Variants in CSNK1G3 observed in about 807,000 individuals in gnomAD.
CSNK1G3 encodes the protein casein kinase 1 gamma 3.
In CSNK1G3, 23 loss-of-function variants were observed where a neutral mutation model predicts 64.3. The observed-to-expected ratio is 0.36, with a 90% confidence interval of 0.26 to 0.51. The LOEUF (loss-of-function observed/expected upper bound fraction) is 0.51. Among genes scored for constraint, CSNK1G3 ranks in the 20% least tolerant of loss-of-function variants. The pLI, the probability that CSNK1G3 is intolerant of heterozygous loss-of-function variation, is 0.96. For synonymous variants in CSNK1G3, 158 were observed against 162.2 expected (o/e 0.97, Z 0.20); for missense variants, 357 against 510.5 (o/e 0.70, Z 2.90).
At chr5:123,547,426 G>A (rs772052512) in intron 2 of CSNK1G3, among the ~76,000 whole-genome samples, 1 of 151,566 alleles carries the variant, frequency 6.6e-6, no homozygotes, top group Non-Finnish European at 1.5e-5. Flanking sequence ...ATACACACAC[G>A]GCACATGTAT....
intron 1 of CSNK1G3, among the ~76,000 whole-genome samples, chr5:123,522,750 T>A (rs1778348438): frequency 1.3e-5 from 2 of 152,078 alleles, no homozygotes; most frequent in African/African-American, 4.8e-5. Context: ...AATATCTCAA[T>A]CTGCAGTTGG....
At chr5:123,551,975 T>C (rs1182066512) in intron 2 of CSNK1G3, among the ~76,000 whole-genome samples, 1 of 152,218 alleles carries the variant, frequency 6.6e-6, no homozygotes, top group African/African-American at 2.4e-5. Context: ...TTTAGTACTC[T>C]ACTTTGACTA....
intron 1 of CSNK1G3, among the ~76,000 whole-genome samples, chr5:123,518,626 T>C (rs1777583133): frequency 6.6e-6 from 1 of 152,232 alleles, no homozygotes; most frequent in Admixed American, 6.5e-5. Flanking sequence ...CGTATCTTAT[T>C]GACCAGAATT....
At chr5:123,577,691 C>T (rs1789449013) in intron 6 of CSNK1G3, among the ~76,000 whole-genome samples, 1 of 151,698 alleles carries the variant, frequency 6.6e-6, no homozygotes, top group South Asian at 2.1e-4. Context: ...AGAATTATAA[C>T]ATTTGTAATT....
At chr5:123,555,918 G>T (rs963138306) in intron 3 of CSNK1G3, among the ~76,000 whole-genome samples, 9 of 152,046 alleles carry the variant, frequency 5.9e-5, no homozygotes, top group African/African-American at 2.2e-4. Context: ...AGAATTATAG[G>T]TAATATAGTG....
chr5:123,551,392 A>G (rs1221396060), intron 2 of CSNK1G3, among the ~76,000 whole-genome samples: 1 of 152,206 alleles, frequency 6.6e-6, no homozygotes, highest in African/African-American at 2.4e-5. Flanking sequence ...AAATATGTAT[A>G]TAGGTTCAAT....
intron 4 of CSNK1G3, among the ~76,000 whole-genome samples, chr5:123,571,120 G>A (rs1228433000): frequency 6.6e-6 from 1 of 152,154 alleles, no homozygotes; most frequent in Non-Finnish European, 1.5e-5. Context: ...AGCAAGAGGA[G>A]ATGGGACAAG....
chr5:123,609,057 G>A lies in CSNK1G3; in HGVS notation c.1217+3695G>A, dbSNP rs138169011. On this transcript the variant is annotated intron_variant, in intron 12 of 12. Transcript: ENST00000345990. The stretch of plus-strand genomic sequence containing the variant: ...AAGGAGTCAGAGAGAAGAGGTTGAC[G>A]CAAGGAAAGAATTGAACCAGTTGGA... Among the ~76,000 whole-genome samples, 19 of 152,266 alleles carry A rather than the reference G, an allele frequency of 1.2e-4. No homozygotes were observed. In the East Asian group the frequency reaches 2.5e-3, roughly 20 times the overall value.
intron 4 of CSNK1G3, among the ~76,000 whole-genome samples, chr5:123,565,585 T>C (rs1022358785): frequency 1.3e-5 from 2 of 152,218 alleles, no homozygotes; most frequent in Non-Finnish European, 2.9e-5. Context: ...TTATTTGTGT[T>C]AGGCTGTTCT....
At chr5:123,605,824 A>T (rs548535270) in intron 12 of CSNK1G3, among the ~76,000 whole-genome samples, 1 of 152,270 alleles carries the variant, frequency 6.6e-6, no homozygotes, top group African/African-American at 2.4e-5. Context: ...TACAATATTG[A>T]TAAATTTCAT....
intron 12 of CSNK1G3, among the ~76,000 whole-genome samples, chr5:123,610,029 C>G (rs1796044299): frequency 6.6e-6 from 1 of 152,162 alleles, no homozygotes; most frequent in Admixed American, 6.5e-5. Context: ...CAGAACTCAG[C>G]CAACATGAGA....
At chr5:123,606,261 T>C (rs1349159415) in intron 12 of CSNK1G3, among the ~76,000 whole-genome samples, 2 of 152,118 alleles carry the variant, frequency 1.3e-5, no homozygotes, top group African/African-American at 2.4e-5. Flanking sequence ...TAATTAGCTA[T>C]ATACTTGTAT....
At chr5:123,606,978 C>G (rs1045012130) in intron 12 of CSNK1G3, among the ~76,000 whole-genome samples, 1 of 152,118 alleles carries the variant, frequency 6.6e-6, no homozygotes, top group Non-Finnish European at 1.5e-5. Flanking sequence ...AAGATTACTT[C>G]CTGACCTGGA....
chr5:123,558,944 A>G (rs1307172501), intron 4 of CSNK1G3, among the ~76,000 whole-genome samples: 2 of 152,190 alleles, frequency 1.3e-5, no homozygotes, highest in East Asian at 3.8e-4. Flanking sequence ...TCAAGTCTCT[A>G]TGATATGCCT....
At chr5:123,595,648 C>T (rs1176352657) in intron 10 of CSNK1G3, among the ~76,000 whole-genome samples, 6 of 152,016 alleles carry the variant, frequency 3.9e-5, no homozygotes, top group Non-Finnish European at 7.4e-5. Context: ...TAGAAAATAT[C>T]AGATGGAAAT....
chr5:123,559,843 C>T (rs1280325452), intron 4 of CSNK1G3, among the ~76,000 whole-genome samples: 1 of 151,648 alleles, frequency 6.6e-6, no homozygotes. Flanking sequence ...GAATTCATAT[C>T]TGAAAAGATT....
intron 12 of CSNK1G3, among the ~76,000 whole-genome samples, chr5:123,609,693 G>T (rs986836533): frequency 6.6e-5 from 10 of 152,156 alleles, no homozygotes; most frequent in Non-Finnish European, 1.0e-4. Context: ...GAAATCCCAC[G>T]TGGTGTGTTC....
At chr5:123,553,366 A>T (rs1337102212) in intron 3 of CSNK1G3, among the ~76,000 whole-genome samples, 2 of 152,072 alleles carry the variant, frequency 1.3e-5, no homozygotes, top group African/African-American at 4.8e-5. Flanking sequence ...TGCCACAAAA[A>T]CTCAATCCCT....
At chr5:123,599,384 A>G (rs1243913466) in intron 10 of CSNK1G3, among the ~76,000 whole-genome samples, 2 of 152,228 alleles carry the variant, frequency 1.3e-5, no homozygotes, top group East Asian at 1.9e-4. Flanking sequence ...GCAACCAGGC[A>G]TTGTTGAGGA....
Sources: gnomAD v4.1 joint callset for allele counts (sites outside exome capture counted in the v4.1 genomes callset) on GRCh38, gnomAD v4.1.1 for gene constraint, MANE v1.5 for transcripts, NCBI Gene and HGNC (gene_info 2026-07-23, HGNC 2026-07-21) for gene names.